YIPF6: variants seen among roughly 807,000 people sequenced by gnomAD.
YIPF6 encodes the protein Yip1 domain family member 6.
In YIPF6, 3 loss-of-function variants were observed where a neutral mutation model predicts 16.8. That is an observed-to-expected ratio of 0.18 (90% CI 0.08 to 0.46). YIPF6 has a LOEUF of 0.46. Among genes scored for constraint, YIPF6 ranks in the 20% least tolerant of loss-of-function variants. The pLI, the probability that YIPF6 is intolerant of heterozygous loss-of-function variation, is 0.98. For missense variants in YIPF6, 145 were observed against 184.9 expected (o/e 0.78, Z 1.25); for synonymous variants, 67 against 61.9 (o/e 1.08, Z -0.38).
At chrX:68,510,028 G>A (rs1001613579) in intron 1 of YIPF6, among the ~76,000 whole-genome samples, 32 of 111,903 alleles carry the variant, frequency 2.9e-4, no homozygotes, top group African/African-American at 9.1e-4. Flanking sequence ...CTTTGCTACT[G>A]TTGAGCCAGT....
intron 6 of YIPF6, among the ~76,000 whole-genome samples, chrX:68,525,157 C>T (rs1025677281): frequency 8.9e-6 from 1 of 112,110 alleles, no homozygotes; most frequent in African/African-American, 3.2e-5. Context: ...CTGTTGTTTC[C>T]TGACTTTTTA....
chrX:68,504,603 C>G (rs1778214370), intron 1 of YIPF6, among the ~76,000 whole-genome samples: 1 of 112,100 alleles, frequency 8.9e-6, no homozygotes, highest in African/African-American at 3.2e-5. Context: ...GGGACAAAGG[C>G]CAGCTAAATT....
At chrX:68,512,707 A>AATTATT (rs1269334900) in intron 2 of YIPF6, among the ~76,000 whole-genome samples, 1 of 111,569 alleles carries the variant, frequency 9.0e-6, no homozygotes, top group African/African-American at 3.3e-5. Context: ...AACTATTATA[A>AATTATT]ATTATGTTTA....
intron 6 of YIPF6, among the ~76,000 whole-genome samples, chrX:68,524,783 T>A (rs1380473558): frequency 9.0e-6 from 1 of 110,889 alleles, no homozygotes; most frequent in Non-Finnish European, 1.9e-5. Flanking sequence ...TTTGGTTTTC[T>A]GTTCCTGTGG....
chrX:68,503,846 G>A (rs1031686138), intron 1 of YIPF6, among the ~76,000 whole-genome samples: 8 of 112,085 alleles, frequency 7.1e-5, no homozygotes, highest in Non-Finnish European at 1.3e-4. Context: ...AGCCTCCTGA[G>A]TATCTGGGAC....
chrX:68,503,445 C>G (rs187679355), intron 1 of YIPF6, among the ~76,000 whole-genome samples: 2 of 111,793 alleles, frequency 1.8e-5, no homozygotes, highest in South Asian at 3.7e-4. Context: ...TCGCCTTTCC[C>G]GCTGAGGGCT....
chrX:68,517,558 A>G (rs2079108146), intron 3 of YIPF6, among the ~76,000 whole-genome samples: 1 of 112,428 alleles, frequency 8.9e-6, no homozygotes, highest in Non-Finnish European at 1.9e-5. Flanking sequence ...AACCTTGTGA[A>G]ATTACCAATA....
chrX:68,526,185 T>C (rs1402560620), intron 6 of YIPF6, among the ~76,000 whole-genome samples: 1 of 111,679 alleles, frequency 9.0e-6, no homozygotes, highest in African/African-American at 3.3e-5. Context: ...TAGTTCTCCT[T>C]GAAGAGGTCC....
At chrX:68,521,292 C>G (rs2079124605) in intron 4 of YIPF6, 80 bp from the exon 5 acceptor site, 1 of 1,114,052 alleles carries the variant, frequency 9.0e-7, no homozygotes, top group Admixed American at 2.6e-5. Context: ...CAATCTGATT[C>G]AAAGTTTGAG....
In YIPF6 at chrX:68,510,898, G is replaced by C. The variant is rs2079078748; in HGVS notation, c.58-951G>C. On this transcript the variant is annotated intron_variant, in intron 1 of 6. Coordinates refer to ENST00000462683, the MANE Select transcript of YIPF6 (RefSeq NM_173834.4). Reference sequence around the variant, plus strand: ...TCTGCCCGCCTCGGCCTCCCAAAGTGCTGGGATTACGGGCATGAGCCACCA... The same window carrying C: ...TCTGCCCGCCTCGGCCTCCCAAAGTCCTGGGATTACGGGCATGAGCCACCA... 3 of 112,807 alleles carry C rather than the reference G, an allele frequency of 2.7e-5. No individual in the cohort carries two copies. The South Asian group carries it at 1.1e-3, about 40-fold the overall frequency. 9.3% of individuals were successfully genotyped at this position (112,807 alleles called of 1,213,427 possible).
intron 1 of YIPF6, among the ~76,000 whole-genome samples, chrX:68,508,633 T>TA (rs768875260): frequency 8.9e-6 from 1 of 112,475 alleles, no homozygotes; most frequent in Non-Finnish European, 1.9e-5. Context: ...CTTTATCTGT[T>TA]ACTATGTTCA....
intron 6 of YIPF6, among the ~76,000 whole-genome samples, chrX:68,529,210 A>G (rs1189032416): frequency 9.2e-6 from 1 of 109,124 alleles, no homozygotes; most frequent in Admixed American, 9.9e-5. Flanking sequence ...TTGTCTTCCT[A>G]CTTTATTTCA....
At chrX:68,502,170 G>T (rs373908309) in intron 1 of YIPF6, among the ~76,000 whole-genome samples, 3 of 111,629 alleles carry the variant, frequency 2.7e-5, no homozygotes, top group African/African-American at 9.8e-5. Context: ...ACATAATAGA[G>T]GGTAAGTTAC....
intron 4 of YIPF6, among the ~76,000 whole-genome samples, chrX:68,520,572 A>G (rs2147823772): frequency 9.0e-6 from 1 of 111,534 alleles, no homozygotes; most frequent in Non-Finnish European, 1.9e-5. Flanking sequence ...CCCAGGCTCA[A>G]GCGATTCTCC....
At chrX:68,501,125 C>T (rs1188236719) in intron 1 of YIPF6, among the ~76,000 whole-genome samples, 1 of 112,073 alleles carries the variant, frequency 8.9e-6, no homozygotes, top group Non-Finnish European at 1.9e-5. Flanking sequence ...ATGCACTGTG[C>T]TAGTTGCTGT....
intron 1 of YIPF6, among the ~76,000 whole-genome samples, chrX:68,506,923 T>C (rs931947250): frequency 9.0e-6 from 1 of 111,490 alleles, no homozygotes; most frequent in Non-Finnish European, 1.9e-5. Flanking sequence ...ATTAGAATTC[T>C]GCTTTTAAAG....
Position 68,533,129 on chromosome X carries a change from T to G in YIPF6, c.*1130T>G, listed in dbSNP as rs939353145. 2 of 112,034 alleles carry G rather than the reference T, an allele frequency of 1.8e-5. No individual in the cohort carries two copies. Among genetic ancestry groups the G allele is most frequent in the African/African-American group, 6.5e-5 (2 of 30,852 alleles). 9.2% of individuals were successfully genotyped at this position (112,034 alleles called of 1,213,427 possible). A position where few individuals can be genotyped will look rare whatever the true frequency, so the allele number is the denominator to read the frequency against. The stretch of plus-strand genomic sequence containing the variant: ...AGCTTAGCAGTTTTCTCATTAGATG[T>G]GTTTTTTTGGGTTGGGGAATAGCAA... On this transcript the variant is annotated 3_prime_UTR_variant, in exon 7 of 7. Coordinates refer to ENST00000462683, the MANE Select transcript of YIPF6 (RefSeq NM_173834.4).
Position 68,535,736 on chromosome X carries a change from T to A in YIPF6, c.*3737T>A, listed in dbSNP as rs2079188859. On this transcript the variant is annotated 3_prime_UTR_variant, in exon 7 of 7. Coordinates refer to ENST00000462683, the MANE Select transcript of YIPF6 (RefSeq NM_173834.4). ...TGTGCCAGGCACTATTCTATTTTTT[T>A]AAGAATTTTTAAAATAACAGCTTTA... The A allele has an allele frequency of 9.0e-6, 1 of 111,654 alleles. No homozygotes were observed. Among genetic ancestry groups the A allele is most frequent in the Non-Finnish European group, 1.9e-5 (1 of 53,219 alleles). 9.2% of individuals were successfully genotyped at this position (111,654 alleles called of 1,213,427 possible). A position where few individuals can be genotyped will look rare whatever the true frequency, so the allele number is the denominator to read the frequency against.
At chrX:68,516,892 C>T (rs188262917) in intron 3 of YIPF6, among the ~76,000 whole-genome samples, 36 of 110,200 alleles carry the variant, frequency 3.3e-4, no homozygotes, top group African/African-American at 9.9e-4. Flanking sequence ...GATCTTGGCT[C>T]ACTGCAACCT....
Sources: gnomAD v4.1 joint callset for allele counts (sites outside exome capture counted in the v4.1 genomes callset) on GRCh38, gnomAD v4.1.1 for gene constraint, MANE v1.5 for transcripts, NCBI Gene and HGNC (gene_info 2026-07-23, HGNC 2026-07-21) for gene names.